Variants in RYR2 observed in about 807,000 individuals in gnomAD.
RYR2 encodes the protein cardiac muscle ryanodine receptor-calcium release channel.
A neutral mutation model predicts 601.1 loss-of-function variants in RYR2; 227 were observed. The observed-to-expected ratio is 0.38, with a 90% CI of 0.34 to 0.42. The LOEUF is 0.42. Among genes scored for constraint, RYR2 ranks in the 10% least tolerant of loss-of-function variants. The pLI, the probability that RYR2 is intolerant of heterozygous loss-of-function variation, is 1.00. For missense variants in RYR2, 4,646 were observed against 6,156.5 expected (o/e 0.75, Z 8.21); for synonymous variants, 2,223 against 2,175.1 (o/e 1.02, Z -0.61).
At chr1:237,755,045 A>T (rs1558348036) in intron 80 of RYR2, 1 of 1,284,092 alleles carries the variant, frequency 7.8e-7, no homozygotes. Flanking sequence ...AACCCTGATC[A>T]ATTTTGTTTT....
chr1:237,066,083 A>G lies in RYR2; in HGVS notation c.48+23514A>G, dbSNP rs116874631. Among the ~76,000 whole-genome samples, 22 of 152,348 alleles carry G rather than the reference A, an allele frequency of 1.4e-4. No individual in the cohort carries two copies. The East Asian group carries it at 3.9e-3, about 27-fold the overall frequency. On this transcript the variant is annotated intron_variant, in intron 1 of 104. Transcript: ENST00000366574. Reference sequence around the variant, plus strand: ...GGGGCACAGATCCAACCATATCAGTAATATAAATTGAATGATACAATAGGT... The same window carrying G: ...GGGGCACAGATCCAACCATATCAGTGATATAAATTGAATGATACAATAGGT...
chr1:237,083,242 C>T (rs1463405394), intron 1 of RYR2, among the ~76,000 whole-genome samples: 1 of 152,086 alleles, frequency 6.6e-6, no homozygotes, highest in Non-Finnish European at 1.5e-5. Flanking sequence ...TCCTCACGAC[C>T]ATGTAGAAGT....
chr1:237,832,774 A>G lies in RYR2; in HGVS notation c.*127A>G, dbSNP rs891914366. Reference sequence around the variant, plus strand: ...CCAGCGTTGTGTGTTTTCTGGGAGCATCGAAGCTCTGTTTCGGAAGAGCTG... The same window carrying G: ...CCAGCGTTGTGTGTTTTCTGGGAGCGTCGAAGCTCTGTTTCGGAAGAGCTG... On this transcript the variant is annotated 3_prime_UTR_variant, in exon 105 of 105. Transcript: ENST00000366574. 3 of 561,018 alleles carry G rather than the reference A, an allele frequency of 5.3e-6. No homozygotes were observed. Among genetic ancestry groups the G allele is most frequent in the East Asian group, 3.0e-5 (1 of 33,702 alleles). The allele number at this position is 561,018 out of a possible 1,614,324, so 34.8% of individuals were successfully genotyped here.
intron 1 of RYR2, among the ~76,000 whole-genome samples, chr1:237,084,272 C>T (rs1316424412): frequency 3.3e-5 from 5 of 152,204 alleles, no homozygotes; most frequent in Admixed American, 3.3e-4. Flanking sequence ...AAGCTGGCTT[C>T]TCCACTTTCA....
At chr1:237,149,126 G>A (rs567461199) in intron 1 of RYR2, among the ~76,000 whole-genome samples, 218 of 152,202 alleles carry the variant, frequency 1.4e-3, no homozygotes, top group African/African-American at 4.9e-3. Context: ...GAAAACTTAG[G>A]CAATAATTGA....
At chr1:237,680,240 G>A (rs1038250068) in intron 61 of RYR2, among the ~76,000 whole-genome samples, 10 of 152,170 alleles carry the variant, frequency 6.6e-5, no homozygotes, top group African/African-American at 2.4e-4. Context: ...ATTCCAAACT[G>A]TTGCAAGTTT....
At chr1:237,645,945 T>C (rs564633331) in intron 48 of RYR2, among the ~76,000 whole-genome samples, 68 of 151,264 alleles carry the variant, frequency 4.5e-4, no homozygotes, top group East Asian at 3.8e-3. Flanking sequence ...GGCGCAGTCT[T>C]GGCTCACTGC....
chr1:237,152,198 G>A (rs1674786777), intron 1 of RYR2, among the ~76,000 whole-genome samples: 1 of 152,142 alleles, frequency 6.6e-6, no homozygotes, highest in East Asian at 1.9e-4. Flanking sequence ...TCCTTTTTAT[G>A]GCTGCATAGT....
rs1267247155 is a variant in RYR2 at position 237,445,405 on chromosome 1, T to C, written c.1175T>C (p.Ile392Thr). ...CTTATTTTTGCTTTCTTACAGGCTATTATGCATCATGAAGGCCACATGGAT... is the reference window on the plus strand; with the variant it reads ...CTTATTTTTGCTTTCTTACAGGCTACTATGCATCATGAAGGCCACATGGAT... The part of the protein sequence containing the change: ...VRMGSIQRKA[I>T]MHHEGHMDDG... Residue 392 changes from isoleucine to threonine, a missense_variant, in exon 14 of 105, where the codon ATT (isoleucine) becomes ACT (threonine). This residue lies in a region of RYR2 where 1,807 missense variants were observed against 2,088.1 expected (regional missense o/e 0.87). Transcript: ENST00000366574. 2 of 1,613,452 alleles carry C rather than the reference T, an allele frequency of 1.2e-6. No individual in the cohort carries two copies. The highest frequency in any genetic ancestry group is 1.3e-5 in the African/African-American group (1 of 74,898).
chr1:237,803,271 A>T (rs1015131230), intron 98 of RYR2, among the ~76,000 whole-genome samples: 1 of 151,364 alleles, frequency 6.6e-6, no homozygotes, highest in Non-Finnish European at 1.5e-5. Context: ...TACTCATCTT[A>T]TGCCCATAAA....
chr1:237,482,608 G>A (rs116074106), intron 17 of RYR2, among the ~76,000 whole-genome samples: 4,451 of 152,086 alleles, frequency 0.029, 97 homozygotes, highest in Middle Eastern at 0.075. Context: ...ATCTGCAGAC[G>A]GACATTTAGG....
At chr1:237,578,212 A>G (rs1041554950) in intron 29 of RYR2, among the ~76,000 whole-genome samples, 4 of 152,066 alleles carry the variant, frequency 2.6e-5, no homozygotes, top group African/African-American at 9.7e-5. Flanking sequence ...ATGAGAGGAG[A>G]TAATTACTCA....
chr1:237,362,324 G>T (rs1202666871), intron 4 of RYR2, among the ~76,000 whole-genome samples: 1 of 152,120 alleles, frequency 6.6e-6, no homozygotes, highest in Non-Finnish European at 1.5e-5. Context: ...ACTCTATTTT[G>T]TGTAATGAAA....
At chr1:237,065,058 T>A (rs1663396406) in intron 1 of RYR2, among the ~76,000 whole-genome samples, 1 of 152,208 alleles carries the variant, frequency 6.6e-6, no homozygotes, top group African/African-American at 2.4e-5. Flanking sequence ...GTTGAAATAA[T>A]GATAGAGTCA....
intron 44 of RYR2, among the ~76,000 whole-genome samples, chr1:237,636,499 C>T (rs1395951975): frequency 6.6e-6 from 1 of 152,140 alleles, no homozygotes; most frequent in Non-Finnish European, 1.5e-5. Context: ...ATTAAAATGG[C>T]CAATACTAAT....
At chr1:237,514,119 A>T (rs1666183803) in intron 24 of RYR2, among the ~76,000 whole-genome samples, 1 of 152,196 alleles carries the variant, frequency 6.6e-6, no homozygotes, top group African/African-American at 2.4e-5. Flanking sequence ...AGGCTTGTAT[A>T]TTTAGCTTAG....
chr1:237,395,641 G>C (rs1260170270), intron 10 of RYR2, among the ~76,000 whole-genome samples: 1 of 146,400 alleles, frequency 6.8e-6, no homozygotes, highest in Non-Finnish European at 1.5e-5. Flanking sequence ...CTGCCTCCCG[G>C]GTTCATGCCA....
intron 90 of RYR2, among the ~76,000 whole-genome samples, 162 bp from the exon 91 acceptor site, chr1:237,785,807 G>A (rs1178014714): frequency 6.6e-6 from 1 of 152,168 alleles, no homozygotes. Flanking sequence ...AGCGGGAGAT[G>A]TTTGGCCCTA....
intron 29 of RYR2, among the ~76,000 whole-genome samples, chr1:237,580,099 A>G (rs1349401838): frequency 6.6e-6 from 1 of 151,284 alleles, no homozygotes; most frequent in East Asian, 2.0e-4. Context: ...GGAAGACTGC[A>G]CATCTCACTC....
Sources: gnomAD v4.1 joint callset for allele counts (sites outside exome capture counted in the v4.1 genomes callset) on GRCh38, gnomAD v4.1.1 for gene constraint, gnomAD v4.1.1 regional missense constraint, MANE v1.5 for transcripts, NCBI Gene and HGNC (gene_info 2026-07-23, HGNC 2026-07-21) for gene names.